MSH3: variants seen among roughly 807,000 people sequenced by gnomAD.
MSH3 encodes the protein DNA mismatch repair protein Msh3.
A neutral mutation model predicts 123.3 loss-of-function variants in MSH3; 106 were observed. The observed-to-expected ratio is 0.86, with a 90% CI of 0.73 to 1.01. The LOEUF is 1.01. Among genes scored for constraint, MSH3 ranks in the 50% least tolerant of loss-of-function variants. MSH3 has a pLI of 0.00. For synonymous variants in MSH3, 515 were observed against 481.4 expected (o/e 1.07, Z -0.91); for missense variants, 1,459 against 1,347.6 (o/e 1.08, Z -1.29).
rs1458796019 is a variant in MSH3 at position 80,769,234 on chromosome 5, T to C, written c.2253+231T>C. 2.0e-5 allele frequency among the ~76,000 whole-genome samples: 3 copies of C among 152,092 alleles called. No individual in the cohort carries two copies. The East Asian group carries it at 5.8e-4, about 29-fold the overall frequency. On this transcript the variant is annotated intron_variant, in intron 15 of 23. Transcript: ENST00000265081. The stretch of plus-strand genomic sequence containing the variant: ...CTTAATGTTATATGTATATTAGCGT[T>C]ATCTGTTGAAATTATATTATAGAAA...
chr5:80,799,332 C>CTCAAGAGTCTCTTACCAT (rs1180456094), intron 19 of MSH3, among the ~76,000 whole-genome samples: 2 of 152,080 alleles, frequency 1.3e-5, no homozygotes, highest in East Asian at 3.8e-4. Flanking sequence ...GAGGCTTTGA[C>CTCAAGAGTCTCTTACCAT]TCAAGAGTCT....
At chr5:80,867,614 G>A (rs1056894372) in intron 22 of MSH3, among the ~76,000 whole-genome samples, 3 of 152,184 alleles carry the variant, frequency 2.0e-5, no homozygotes, top group South Asian at 2.1e-4. Flanking sequence ...TTTCTTAGGG[G>A]TGGAATAAAT....
Position 80,864,799 on chromosome 5 carries a change from T to G in MSH3, c.3001-14T>G. 6.2e-7 allele frequency: 1 copy of G among 1,603,436 alleles called. No individual in the cohort carries two copies. The highest frequency in any genetic ancestry group is 2.2e-5 in the East Asian group (1 of 44,764). On this transcript the variant is annotated splice_polypyrimidine_tract_variant and intron_variant, in intron 21 of 23. Coordinates refer to ENST00000265081, the MANE Select transcript of MSH3 (RefSeq NM_002439.5). ...TAAAAATGAAATAACATTTATTCTG[T>G]CTTATTGCTTTAGGTGAAATCCTTA...
chr5:80,788,293 C>T (rs773957099), intron 18 of MSH3, among the ~76,000 whole-genome samples: 5 of 151,956 alleles, frequency 3.3e-5, no homozygotes, highest in African/African-American at 7.3e-5. Flanking sequence ...AAAAATTAGC[C>T]GGGTGTGGTA....
intron 22 of MSH3, among the ~76,000 whole-genome samples, chr5:80,870,614 C>T (rs577858658): frequency 5.3e-5 from 8 of 152,248 alleles, no homozygotes; most frequent in Admixed American, 1.3e-4. Flanking sequence ...TGCCTTGCAA[C>T]GGAAGTTTAG....
At chr5:80,740,460 C>T (rs752336563) in intron 10 of MSH3, among the ~76,000 whole-genome samples, 27 of 150,220 alleles carry the variant, frequency 1.8e-4, no homozygotes, top group Non-Finnish European at 3.0e-4. Flanking sequence ...CGGGTTCAAG[C>T]GATTCTCCTG....
chr5:80,826,844 C>T (rs1011290419), intron 20 of MSH3, among the ~76,000 whole-genome samples: 78 of 151,842 alleles, frequency 5.1e-4, no homozygotes, highest in African/African-American at 1.8e-3. Context: ...CCACCGCGCC[C>T]GGCCTCCAGA....
At chr5:80,702,151 C>T (rs1406079151) in intron 8 of MSH3, among the ~76,000 whole-genome samples, 2 of 152,070 alleles carry the variant, frequency 1.3e-5, no homozygotes, top group Non-Finnish European at 2.9e-5. Context: ...TGGAAGCTCC[C>T]CACTGCAGTC....
At chr5:80,818,918 T>C (rs1335904636) in intron 20 of MSH3, among the ~76,000 whole-genome samples, 2 of 152,240 alleles carry the variant, frequency 1.3e-5, no homozygotes, top group Non-Finnish European at 2.9e-5. Context: ...TTTAGCCATT[T>C]GAGAAAGAGA....
At chr5:80,843,138 C>T (rs563943431) in intron 20 of MSH3, among the ~76,000 whole-genome samples, 1 of 151,738 alleles carries the variant, frequency 6.6e-6, no homozygotes, top group African/African-American at 2.4e-5. Context: ...TGTTGAAGGC[C>T]TTTTCTACAT....
At chr5:80,677,123 A>C (rs1749858175) in intron 7 of MSH3, among the ~76,000 whole-genome samples, 1 of 152,224 alleles carries the variant, frequency 6.6e-6, no homozygotes, top group South Asian at 2.1e-4. Context: ...CAGTGTGGCC[A>C]AAATTGATCT....
chr5:80,749,266 G>A (rs868674151), intron 12 of MSH3, among the ~76,000 whole-genome samples: 5 of 152,134 alleles, frequency 3.3e-5, no homozygotes, highest in South Asian at 2.1e-4. Context: ...TCAGTTTGTC[G>A]CCAAAGGGCA....
At chr5:80,790,431 T>G (rs1211265369) in intron 18 of MSH3, among the ~76,000 whole-genome samples, 1 of 152,206 alleles carries the variant, frequency 6.6e-6, no homozygotes, top group Non-Finnish European at 1.5e-5. Context: ...TATTGGATTG[T>G]TTTATAAATG....
chr5:80,708,521 G>A (rs954206981), intron 8 of MSH3, among the ~76,000 whole-genome samples: 1 of 151,830 alleles, frequency 6.6e-6, no homozygotes, highest in African/African-American at 2.4e-5. Flanking sequence ...GCATTGGCAC[G>A]ATCATAGCTC....
chr5:80,662,323 A>T (rs1749454102), intron 2 of MSH3, among the ~76,000 whole-genome samples: 1 of 152,176 alleles, frequency 6.6e-6, no homozygotes, highest in Non-Finnish European at 1.5e-5. Context: ...TGATGAAATC[A>T]CCTAATGACA....
chr5:80,873,221 C>G lies in MSH3; in HGVS notation c.3236C>G (p.Pro1079Arg), dbSNP rs750781725. Residue 1079 changes from proline (P) to arginine (R), a missense_variant, in exon 23 of 24, where the codon CCT (proline) becomes CGT (arginine). Physicochemically the swap from Pro to Arg is moderately radical, Grantham distance 103. Transcript: ENST00000265081. ...AATGTGGCTAAACTAGCAGATGTTCCTGGAGAAATTTTGAAGAAAGCAGCT... is the reference window on the plus strand; with the variant it reads ...AATGTGGCTAAACTAGCAGATGTTCGTGGAGAAATTTTGAAGAAAGCAGCT... ...GLNVAKLADV[P>R]GEILKKAAHK... 4 of 1,613,946 alleles carry G rather than the reference C, an allele frequency of 2.5e-6. No homozygotes were observed. The highest frequency in any genetic ancestry group is 3.4e-6 in the Non-Finnish European group (4 of 1,179,934).
chr5:80,839,374 A>G (rs1461949270), intron 20 of MSH3, among the ~76,000 whole-genome samples: 2 of 152,198 alleles, frequency 1.3e-5, no homozygotes, highest in Non-Finnish European at 2.9e-5. Context: ...TCTCAATAAA[A>G]TAAAATAAAT....
intron 13 of MSH3, among the ~76,000 whole-genome samples, chr5:80,765,577 C>G (rs1210905502): frequency 1.3e-5 from 2 of 152,134 alleles, no homozygotes; most frequent in East Asian, 3.9e-4. Flanking sequence ...TGCCTTATTA[C>G]TTTACCCCTA....
chr5:80,832,358 C>T (rs1470676765), intron 20 of MSH3, among the ~76,000 whole-genome samples: 5 of 151,936 alleles, frequency 3.3e-5, no homozygotes, highest in East Asian at 1.9e-4. Flanking sequence ...TGGTGGCTCA[C>T]GCCATAATCC....
Sources: allele counts gnomAD v4.1 joint callset (sites outside exome capture counted in the v4.1 genomes callset), GRCh38; gene constraint gnomAD v4.1.1; transcripts MANE v1.5; gene names NCBI Gene and HGNC (gene_info 2026-07-23, HGNC 2026-07-21).